LRP1B: variants seen among roughly 807,000 people sequenced by gnomAD.
LRP1B encodes the protein LDL receptor related protein 1B, also known as low-density lipoprotein receptor-related protein 1B.
A neutral mutation model predicts 556.6 loss-of-function variants in LRP1B; 217 were observed. The observed-to-expected ratio is 0.39, with a 90% CI of 0.35 to 0.44. LRP1B has a LOEUF of 0.44. Ranked by LOEUF, LRP1B falls within the 20% of genes least tolerant of loss-of-function variation. The probability of loss-of-function intolerance (pLI) is 1.00; values close to 1 mark genes in which losing one functional copy is unlikely to be tolerated. For synonymous variants in LRP1B, 2,047 were observed against 1,865.8 expected, an observed-to-expected ratio of 1.10 and a Z score of -2.50; for missense variants, 5,053 against 5,620.8, an observed-to-expected ratio of 0.90 and a Z score of 3.23.
intron 3 of LRP1B, among the ~76,000 whole-genome samples, chr2:141,451,326 G>C (rs1681414102): frequency 6.6e-6 from 1 of 152,174 alleles, no homozygotes; most frequent in Non-Finnish European, 1.5e-5. Context: ...TGAACTGGTA[G>C]TGTCAATTTA....
At chr2:141,498,167 C>T (rs955484366) in intron 2 of LRP1B, among the ~76,000 whole-genome samples, 5 of 151,846 alleles carry the variant, frequency 3.3e-5, no homozygotes, top group Non-Finnish European at 7.4e-5. Context: ...AAAATATAGG[C>T]ATGAAATTGT....
intron 86 of LRP1B, among the ~76,000 whole-genome samples, chr2:140,250,580 A>G (rs1034405893): frequency 2.7e-5 from 4 of 150,286 alleles, no homozygotes; most frequent in Admixed American, 6.7e-5. Context: ...TTATTCTTCC[A>G]TTTCCATAAC....
At chr2:140,737,600 G>A (rs1369684659) in intron 35 of LRP1B, among the ~76,000 whole-genome samples, 1 of 152,174 alleles carries the variant, frequency 6.6e-6, no homozygotes, top group East Asian at 1.9e-4. Context: ...AGCAATCACA[G>A]TGGAAAGGCC....
intron 1 of LRP1B, among the ~76,000 whole-genome samples, chr2:141,976,931 A>C (rs1226177039): frequency 6.6e-6 from 1 of 152,214 alleles, no homozygotes; most frequent in African/African-American, 2.4e-5. Flanking sequence ...AGACAATTTA[A>C]GGAAGATATG....
intron 2 of LRP1B, among the ~76,000 whole-genome samples, chr2:141,732,953 T>C (rs1175800397): frequency 1.3e-5 from 2 of 152,062 alleles, no homozygotes; most frequent in Non-Finnish European, 2.9e-5. Context: ...ACTGATCACA[T>C]ACTATTCAAA....
chr2:141,930,088 T>G (rs1360954366), intron 1 of LRP1B, among the ~76,000 whole-genome samples: 1 of 151,932 alleles, frequency 6.6e-6, no homozygotes, highest in African/African-American at 2.4e-5. Flanking sequence ...TTTCAAAGAC[T>G]ACATGTCATT....
intron 71 of LRP1B, among the ~76,000 whole-genome samples, chr2:140,368,490 ATAAAGTG>A (rs1558834057): frequency 6.6e-6 from 1 of 151,862 alleles, no homozygotes; most frequent in African/African-American, 2.4e-5. Context: ...CCAGTATTAT[ATAAAGTG>A]TAAAGTTTGA....
chr2:141,083,781 C>T (rs1202501705), intron 7 of LRP1B, among the ~76,000 whole-genome samples: 1 of 152,216 alleles, frequency 6.6e-6, no homozygotes, highest in East Asian at 1.9e-4. Context: ...CCCTGTGCCA[C>T]CTCAGGACTC....
rs149628601 is a variant in LRP1B, at chr2:140,565,407, T to C, written c.7195-23436A>G. 3.7e-3 allele frequency among the ~76,000 whole-genome samples: 558 copies of C among 152,126 alleles called. 3 individuals carry two copies. The highest frequency in any genetic ancestry group is 0.013 in the African/African-American group (526 of 41,566). On this transcript the variant is annotated intron_variant, in intron 43 of 90. Transcript: ENST00000389484. ...CTTCAATTTTTACACTTAGAAAACA[T>C]GTTTACTTTTCTATATTAATATTCT...
chr2:141,185,587 C>T (rs1383547637), intron 7 of LRP1B, among the ~76,000 whole-genome samples: 1 of 147,232 alleles, frequency 6.8e-6, no homozygotes, highest in African/African-American at 2.5e-5. Context: ...AAAATCTCTT[C>T]TTGGAAGACT....
At chr2:142,008,695 T>C (rs1375926506) in intron 1 of LRP1B, among the ~76,000 whole-genome samples, 3 of 152,106 alleles carry the variant, frequency 2.0e-5, no homozygotes, top group Admixed American at 2.0e-4. Flanking sequence ...GCATGATTTT[T>C]TTTTTCCGAG....
intron 3 of LRP1B, among the ~76,000 whole-genome samples, chr2:141,271,425 AGGCATTCAC>A (rs1424190426): frequency 6.6e-6 from 1 of 151,844 alleles, no homozygotes; most frequent in Non-Finnish European, 1.5e-5. Flanking sequence ...ATAAACACAA[AGGCATTCAC>A]AATATAGTAA....
chr2:140,284,161 T>C (rs1683026876), intron 84 of LRP1B, among the ~76,000 whole-genome samples: 1 of 151,806 alleles, frequency 6.6e-6, no homozygotes, highest in African/African-American at 2.4e-5. Context: ...TTAATTAACA[T>C]ATACTGTGTT....
intron 11 of LRP1B, among the ~76,000 whole-genome samples, chr2:141,031,065 T>A (rs940876567): frequency 1.3e-5 from 2 of 151,958 alleles, no homozygotes; most frequent in Non-Finnish European, 2.9e-5. Flanking sequence ...ATAATTGATA[T>A]GAAATGTCTG....
At chr2:140,701,660 T>C in intron 40 of LRP1B, 61 bp downstream of exon 40, 1 of 1,509,900 alleles carries the variant, frequency 6.6e-7, no homozygotes, top group South Asian at 1.2e-5. Context: ...ACAATGTTTT[T>C]AAAAATTGGA....
chr2:140,529,791 C>T (rs567428955), intron 47 of LRP1B, among the ~76,000 whole-genome samples: 1 of 151,986 alleles, frequency 6.6e-6, no homozygotes, highest in African/African-American at 2.4e-5. Context: ...GCATATCATG[C>T]ACTCTTCCTG....
chr2:141,765,381 G>A (rs141781931), intron 2 of LRP1B, among the ~76,000 whole-genome samples: 1 of 152,168 alleles, frequency 6.6e-6, no homozygotes, highest in African/African-American at 2.4e-5. Flanking sequence ...TAAATAGCTA[G>A]CTTAGTTTTT....
chr2:141,634,699 C>A (rs1159883827), intron 2 of LRP1B, among the ~76,000 whole-genome samples: 1 of 151,768 alleles, frequency 6.6e-6, no homozygotes, highest in East Asian at 1.9e-4. Flanking sequence ...AGGTATATAG[C>A]TAATATTTTT....
intron 2 of LRP1B, among the ~76,000 whole-genome samples, chr2:141,748,013 A>G (rs1307110360): frequency 6.6e-6 from 1 of 152,186 alleles, no homozygotes. Context: ...CAGTTTACTT[A>G]TAAGGTCCAA....
Sources: allele counts gnomAD v4.1 joint callset (sites outside exome capture counted in the v4.1 genomes callset), GRCh38; gene constraint gnomAD v4.1.1; transcripts MANE v1.5; gene names NCBI Gene and HGNC (gene_info 2026-07-23, HGNC 2026-07-21).